The following FOCAD variants were observed in gnomAD, a reference collection of about 807,000 sequenced individuals.
FOCAD encodes focadhesin, also known as KIAA1797.
Under a neutral mutation model 225.6 loss-of-function variants are expected in FOCAD, and 198 were observed. The ratio of observed to expected loss-of-function variants is 0.88; its 90% CI spans 0.78 to 0.99. FOCAD has a LOEUF of 0.99. Among genes scored for constraint, FOCAD ranks in the 50% least tolerant of loss-of-function variants. The pLI is 0.00. For missense variants in FOCAD, 2,713 were observed against 2,123.6 expected, an observed-to-expected ratio of 1.28 and a Z score of -5.46; for synonymous variants, 897 against 755.0, an observed-to-expected ratio of 1.19 and a Z score of -3.08.
chr9:20,975,264 A>C (rs1727126963), intron 35 of FOCAD, among the ~76,000 whole-genome samples: 1 of 152,108 alleles, frequency 6.6e-6, no homozygotes, highest in Non-Finnish European at 1.5e-5. Context: ...ATATGTTTGC[A>C]CTCACAAATG....
chr9:20,758,475 A>T (rs976506602), intron 6 of FOCAD, among the ~76,000 whole-genome samples: 1 of 151,628 alleles, frequency 6.6e-6, no homozygotes, highest in South Asian at 2.1e-4. Context: ...TTAACTCGTC[A>T]TTTAGCATTA....
intron 11 of FOCAD, among the ~76,000 whole-genome samples, chr9:20,814,880 A>G (rs754142103): frequency 2.0e-5 from 3 of 152,100 alleles, no homozygotes; most frequent in Non-Finnish European, 2.9e-5. Flanking sequence ...AGTTATTTAT[A>G]CTTTTGCCTT....
At chr9:20,804,484 T>G (rs1457071895) in intron 11 of FOCAD, among the ~76,000 whole-genome samples, 1 of 152,020 alleles carries the variant, frequency 6.6e-6, no homozygotes, top group Non-Finnish European at 1.5e-5. Context: ...AGTAGAAAAA[T>G]GAAGAATCAT....
At position 20,862,184 on chromosome 9, in the gene FOCAD, T is replaced by C. The variant is rs567308768; in HGVS notation, c.1921-394T>C. The stretch of plus-strand genomic sequence containing the variant: ...TCAACAGGGCTGAAAAACTAAAAAA[T>C]GTGGATACCTGGCTTTAGAAATGGG... On this transcript the variant is annotated intron_variant, in intron 15 of 43. Coordinates refer to ENST00000338382, the MANE Select transcript of FOCAD (RefSeq NM_001375567.1). Among the ~76,000 whole-genome samples, 13 of 152,208 alleles carry C rather than the reference T, an allele frequency of 8.5e-5. No homozygotes were observed. The East Asian group carries it at 1.9e-3, about 23-fold the overall frequency.
chr9:20,966,492 C>A (rs1233531266), intron 35 of FOCAD, among the ~76,000 whole-genome samples: 1 of 152,024 alleles, frequency 6.6e-6, no homozygotes, highest in Non-Finnish European at 1.5e-5. Flanking sequence ...CTTGATAATA[C>A]CCTTTAATGA....
intron 8 of FOCAD, among the ~76,000 whole-genome samples, chr9:20,772,033 A>C (rs1258109871): frequency 6.6e-6 from 1 of 152,180 alleles, no homozygotes; most frequent in Admixed American, 6.5e-5. Context: ...ATACATTTTG[A>C]GAGGACACAG....
chr9:20,833,118 C>T (rs10125768), intron 15 of FOCAD, among the ~76,000 whole-genome samples: 58,128 of 151,776 alleles, frequency 0.38, 11,336 homozygotes, highest in Admixed American at 0.47. Context: ...ATCTGCATTC[C>T]CACCAATAGT....
At chr9:20,923,150 A>C (rs565482037) in intron 24 of FOCAD, among the ~76,000 whole-genome samples, 1 of 152,262 alleles carries the variant, frequency 6.6e-6, no homozygotes, top group African/African-American at 2.4e-5. Flanking sequence ...AGAGGATAAA[A>C]ATGAGTAAGA....
intron 8 of FOCAD, among the ~76,000 whole-genome samples, chr9:20,777,209 T>C (rs1818847648): frequency 6.6e-6 from 1 of 152,100 alleles, no homozygotes; most frequent in African/African-American, 2.4e-5. Context: ...TTCAAGATTA[T>C]AATTTCTGGG....
chr9:20,859,866 A>G (rs1419908377), intron 15 of FOCAD, among the ~76,000 whole-genome samples: 1 of 151,952 alleles, frequency 6.6e-6, no homozygotes, highest in Non-Finnish European at 1.5e-5. Context: ...GCAAATTTAT[A>G]GAGACAGAAA....
intron 5 of FOCAD, among the ~76,000 whole-genome samples, chr9:20,750,516 A>G (rs772232637): frequency 2.0e-5 from 3 of 152,206 alleles, no homozygotes; most frequent in Non-Finnish European, 4.4e-5. Flanking sequence ...TATTGCAGAA[A>G]AACAACAACA....
At chr9:20,715,690 T>C (rs145337470) in intron 2 of FOCAD, among the ~76,000 whole-genome samples, 16 of 152,076 alleles carry the variant, frequency 1.1e-4, no homozygotes, top group African/African-American at 3.8e-4. Flanking sequence ...ATATGTTTGT[T>C]TGGTTTTTTT....
chr9:20,852,891 C>T (rs1233489652), intron 15 of FOCAD, among the ~76,000 whole-genome samples: 1 of 151,440 alleles, frequency 6.6e-6, no homozygotes, highest in African/African-American at 2.4e-5. Flanking sequence ...CCCAGTAGTT[C>T]GATTTATTGA....
chr9:20,922,813 C>T (rs1036624988), intron 24 of FOCAD, among the ~76,000 whole-genome samples: 6 of 152,182 alleles, frequency 3.9e-5, no homozygotes, highest in African/African-American at 7.2e-5. Flanking sequence ...CTGTTATAAA[C>T]GAATTGGCAA....
At chr9:20,681,919 C>T (rs1418327806), upstream of FOCAD, among the ~76,000 whole-genome samples, 1 of 152,152 alleles carries the variant, frequency 6.6e-6, no homozygotes, top group Non-Finnish European at 1.5e-5. Flanking sequence ...AAATCTGAAT[C>T]TAGGATAGGT....
At chr9:20,927,157 C>T (rs1049516660) in intron 26 of FOCAD, among the ~76,000 whole-genome samples, 7 of 152,040 alleles carry the variant, frequency 4.6e-5, no homozygotes, top group Admixed American at 3.9e-4. Flanking sequence ...TCAAGAGCTA[C>T]AGTTGTAGTA....
intron 15 of FOCAD, among the ~76,000 whole-genome samples, chr9:20,850,121 AACTCTT>A (rs1827505021): frequency 6.6e-6 from 1 of 151,790 alleles, no homozygotes; most frequent in South Asian, 2.1e-4. Context: ...AATTTAAAAA[AACTCTT>A]AGTCTTATGG....
At chr9:20,878,012 A>G (rs531811931) in intron 19 of FOCAD, among the ~76,000 whole-genome samples, 1 of 152,342 alleles carries the variant, frequency 6.6e-6, no homozygotes, top group African/African-American at 2.4e-5. Flanking sequence ...ATGCAGATAT[A>G]CAAAAATGAC....
intron 1 of FOCAD, among the ~76,000 whole-genome samples, chr9:20,704,396 G>C (rs751579023): frequency 6.6e-6 from 1 of 152,120 alleles, no homozygotes; most frequent in Admixed American, 6.6e-5. Flanking sequence ...CATGAATTTA[G>C]TAATTTAGTT....
Sources: gnomAD v4.1 joint callset for allele counts (sites outside exome capture counted in the v4.1 genomes callset) on GRCh38, gnomAD v4.1.1 for gene constraint, MANE v1.5 for transcripts, NCBI Gene and HGNC (gene_info 2026-07-23, HGNC 2026-07-21) for gene names.